Variants in LPCAT4 observed in about 807,000 individuals in gnomAD.
LPCAT4 encodes lysophosphatidylcholine acyltransferase 4.
In LPCAT4, 30 loss-of-function variants were observed where a neutral mutation model predicts 66.5. The observed-to-expected ratio is 0.45, with a 90% CI of 0.34 to 0.61. LPCAT4 has a LOEUF of 0.61. Ranked by LOEUF, LPCAT4 falls within the 20% of genes least tolerant of loss-of-function variation. The pLI is 0.01. For synonymous variants in LPCAT4, 253 were observed against 262.1 expected (o/e 0.97, Z 0.34); for missense variants, 557 against 656.7 (o/e 0.85, Z 1.66).
At chr15:34,361,107 G>C (rs1890932227) in intron 11 of LPCAT4, 1 of 987,134 alleles carries the variant, frequency 1.0e-6, no homozygotes, top group Non-Finnish European at 1.3e-6. Flanking sequence ...CACCCCAAAA[G>C]GTCTTATGAT....
At chr15:34,362,363 A>G (rs1204162887) in intron 9 of LPCAT4, 42 bp from the exon 10 acceptor site, 2 of 1,612,042 alleles carry the variant, frequency 1.2e-6, no homozygotes, top group Admixed American at 1.7e-5. Flanking sequence ...AAGGAAGCAG[A>G]AGAAACTTCT....
chr15:34,361,543 A>C lies in LPCAT4; in HGVS notation c.1011-11T>G. On this transcript the variant is annotated splice_polypyrimidine_tract_variant and intron_variant, in intron 10 of 13. Transcript: ENST00000314891. ...TAGCCAGCGGACAGCCTACGATGGAATTGTTGAAGGCAGAGAGCTGTCTCA... is the reference window on the plus strand; with the variant it reads ...TAGCCAGCGGACAGCCTACGATGGACTTGTTGAAGGCAGAGAGCTGTCTCA... 1 of 1,612,836 alleles carries C rather than the reference A, an allele frequency of 6.2e-7. No individual in the cohort carries two copies. The highest frequency in any genetic ancestry group is 1.3e-5 in the African/African-American group (1 of 75,050).
Position 34,363,297 on chromosome 15 carries a change from C to G in LPCAT4, c.746+125G>C. 1.9e-6 allele frequency: 2 copies of G among 1,052,718 alleles called. No homozygotes were observed. The highest frequency in any genetic ancestry group is 1.4e-6 in the Non-Finnish European group (1 of 705,108). 65.2% of individuals were successfully genotyped at this position (1,052,718 alleles called of 1,614,324 possible). ...CATCAGGGGGAAAGTGGTGTCTCCT[C>G]TAGAGTTCTCTCAGTCCTCAGATGA... On this transcript the variant is annotated intron_variant, in intron 7 of 13. Transcript: ENST00000314891. This position sits in a 1 kb window ranked among gnomAD's most constrained non-coding sequence, Gnocchi z 4.3.
At position 34,367,051 on chromosome 15, in the gene LPCAT4, C is replaced by G. The variant is rs199696158; in HGVS notation, c.50G>C (p.Gly17Ala). ...GDWAPLDPTPGPPASPNPFVH... is the reference protein window; with the variant it reads ...GDWAPLDPTPAPPASPNPFVH... ...GAAGGGGTTGGGGGATGCTGGGGGT[C>G]CGGGGGTGGGATCTAGGGGGGCCCA... Residue 17 changes from glycine (G) to alanine (A), a missense_variant, in exon 1 of 14, where the codon GGA becomes GCA. Gly to Ala is a moderately conservative substitution (Grantham distance 60). Around this residue, in one of 4 missense-constraint regions of LPCAT4, gnomAD observed 94 missense variants for 71.5 expected, o/e 1.32. Coordinates refer to ENST00000314891, the MANE Select transcript of LPCAT4 (RefSeq NM_153613.3). 6.7e-4 allele frequency: 606 copies of G among 910,286 alleles called. 4 individuals are homozygous for G. The Middle Eastern group carries it at 7.0e-3, about 11-fold the overall frequency. The allele number at this position is 910,286 out of a possible 1,614,324, so 56.4% of individuals were successfully genotyped here.
chr15:34,364,379 T>C, intron 3 of LPCAT4, 73 bp from the exon 4 acceptor site: 1 of 819,634 alleles, frequency 1.2e-6, no homozygotes, highest in Admixed American at 2.2e-5. Context: ...CAGCCTCCAC[T>C]TCCTCAACAG....
At chr15:34,360,471 G>A (rs1890916765) in intron 11 of LPCAT4, among the ~76,000 whole-genome samples, 1 of 152,238 alleles carries the variant, frequency 6.6e-6, no homozygotes, top group African/African-American at 2.4e-5. Flanking sequence ...CCTCAGGAAT[G>A]CTGAAGCTAC....
rs747467857 is a variant in LPCAT4 at position 34,360,089 on chromosome 15, C to A, written c.1242+22G>T. ...GTGAGCATAGCCACTAAGCACCCCC[C>A]ACCACCGCCACCCCCCATTACCTCA... On this transcript the variant is annotated intron_variant, in intron 12 of 13. Transcript: ENST00000314891. 7 of 1,569,676 alleles carry A rather than the reference C, an allele frequency of 4.5e-6. No homozygotes were observed. In the East Asian group the frequency reaches 9.0e-5, roughly 20 times the overall value.
At chr15:34,360,472 C>A (rs1218534691) in intron 11 of LPCAT4, among the ~76,000 whole-genome samples, 1 of 152,248 alleles carries the variant, frequency 6.6e-6, no homozygotes, top group Non-Finnish European at 1.5e-5. Context: ...CTCAGGAATG[C>A]TGAAGCTACT....
chr15:34,362,085 GT>G, intron 10 of LPCAT4, 110 bp downstream of exon 10: 6 of 1,376,250 alleles, frequency 4.4e-6, no homozygotes, highest in Non-Finnish European at 6.0e-6. Context: ...TTTCTTCCCA[GT>G]TTTTTTCATT....
At position 34,365,023 on chromosome 15, in the gene LPCAT4, C is replaced by T. The variant is rs779532887; in HGVS notation, c.463G>A (p.Val155Ile). ...ACTCTCTCACCTCCAATGACAGGAA[C>T]GGAAAGGTTCTCAGCTCGGGACACA... ...KVVSRAENLS[V>I]PVIGALLRFN... Residue 155 changes from valine to isoleucine, a missense_variant, in exon 3 of 14, where the codon GTT (valine) becomes ATT (isoleucine). Around this residue, in one of 4 missense-constraint regions of LPCAT4, gnomAD observed 392 missense variants for 473.9 expected, o/e 0.83. Coordinates refer to ENST00000314891, the MANE Select transcript of LPCAT4 (RefSeq NM_153613.3). 2.5e-6 allele frequency: 4 copies of T among 1,610,468 alleles called. No individual in the cohort carries two copies. The Admixed American group carries it at 6.7e-5, about 27-fold the overall frequency.
Position 34,364,198 on chromosome 15 carries a change from G to A in LPCAT4, c.587C>T (p.Pro196Leu), listed in dbSNP as rs1029830733. The change falls in exon 4 of 14, where the codon CCG becomes CTG. Residue 196 changes from proline to leucine, a missense_variant. Pro to Leu is a moderately conservative substitution (Grantham distance 98). Transcript: ENST00000314891. ...GGTCTTGAGACCCTTACCCACCTGCGGCCACTTGCCTCCTGAGGTGGCCCG... is the reference window on the plus strand; with the variant it reads ...GGTCTTGAGACCCTTACCCACCTGCAGCCACTTGCCTCCTGAGGTGGCCCG... ...RRRATSGGKWPQVLFFPEGTC... is the reference protein window; with the variant it reads ...RRRATSGGKWLQVLFFPEGTC... The A allele has an allele frequency of 1.9e-6, 3 of 1,611,280 alleles. No homozygotes were observed. The highest frequency in any genetic ancestry group is 2.5e-6 in the Non-Finnish European group (3 of 1,177,414).
rs1890987775 is a variant in LPCAT4, at chr15:34,363,073, G to A, written c.747-237C>T. Among the ~76,000 whole-genome samples, 1 of 152,162 alleles carries A rather than the reference G, an allele frequency of 6.6e-6. No homozygotes were observed. The highest frequency in any genetic ancestry group is 2.4e-5 in the African/African-American group (1 of 41,420). ...GCAGAGCTGCATGGATATGCCAGAG[G>A]AAGAACTGTAGGCAAGAGGAGGTTT... On this transcript the variant is annotated intron_variant, in intron 7 of 13. Transcript: ENST00000314891. This position sits in a 1 kb window ranked among gnomAD's most constrained non-coding sequence, Gnocchi z 4.3.
At chr15:34,364,440 T>G (rs1891025162) in intron 3 of LPCAT4, 134 bp from the exon 4 acceptor site, 1 of 616,370 alleles carries the variant, frequency 1.6e-6, no homozygotes. Flanking sequence ...TGTTGTTGTT[T>G]GAGACAGAGT....
chr15:34,362,123 T>C, intron 10 of LPCAT4, 73 bp downstream of exon 10: 1 of 1,541,474 alleles, frequency 6.5e-7, no homozygotes. Flanking sequence ...TTCCTTCTCA[T>C]TTCTCCCCTT....
At chr15:34,365,738 G>T in intron 1 of LPCAT4, 37 bp from the exon 2 acceptor site, 1 of 1,608,332 alleles carries the variant, frequency 6.2e-7, no homozygotes, top group South Asian at 1.1e-5. Flanking sequence ...TTTAGAGCTT[G>T]GATATGCTCC....
At chr15:34,365,738 G>C (rs1318217704) in intron 1 of LPCAT4, 37 bp from the exon 2 acceptor site, 6 of 1,608,214 alleles carry the variant, frequency 3.7e-6, no homozygotes, top group Non-Finnish European at 5.1e-6. Flanking sequence ...TTTAGAGCTT[G>C]GATATGCTCC....
At chr15:34,364,590 A>ATTTTTTTT (rs59218958) in intron 3 of LPCAT4, 12,478 of 155,202 alleles carry the variant, frequency 0.08, 607 homozygotes, top group East Asian at 0.18. Flanking sequence ...CGCCCGGCTA[A>ATTTTTTTT]TTTTTTTTTT....
chr15:34,361,712 T>TC lies in LPCAT4; in HGVS notation c.1011-181_1011-180insG, dbSNP rs993829087. ...CTTACTTTTTTCTTTTCTTTTCTTT[T>TC]TTTTTTTGACGGAGTCTTGCTCTGT... is the stretch of plus-strand genomic sequence containing the variant. On this transcript the variant is annotated intron_variant, in intron 10 of 13. Transcript: ENST00000314891. 2.3e-3 allele frequency among the ~76,000 whole-genome samples: 352 copies of TC among 152,224 alleles called. 2 individuals carry two copies. The highest frequency in any genetic ancestry group is 3.4e-3 in the Non-Finnish European group (234 of 67,996).
intron 1 of LPCAT4, 44 bp downstream of exon 1, chr15:34,366,943 C>G: frequency 6.5e-7 from 1 of 1,535,682 alleles, no homozygotes; most frequent in Non-Finnish European, 8.8e-7. Context: ...GCCCCATTTT[C>G]CTATCCTCAC....
Sources: allele counts gnomAD v4.1 joint callset (sites outside exome capture counted in the v4.1 genomes callset), GRCh38; gene constraint gnomAD v4.1.1; regional missense constraint gnomAD v4.1.1; non-coding constraint Gnocchi (gnomAD v3.1); transcripts MANE v1.5; gene names NCBI Gene and HGNC (gene_info 2026-07-23, HGNC 2026-07-21).